Variants in CSMD1 observed in about 807,000 individuals in gnomAD.
CSMD1 encodes CUB and Sushi multiple domains 1.
A neutral mutation model predicts 417.5 loss-of-function variants in CSMD1; 213 were observed. The ratio of observed to expected loss-of-function variants is 0.51; its 90% CI spans 0.46 to 0.57. CSMD1 has a LOEUF of 0.57. Among genes scored for constraint, CSMD1 ranks in the 20% least tolerant of loss-of-function variants. The pLI, the probability that CSMD1 is intolerant of heterozygous loss-of-function variation, is 0.00. For synonymous variants in CSMD1, 2,862 were observed against 1,736.8 expected, an observed-to-expected ratio of 1.65 and a Z score of -16.11; for missense variants, 6,923 against 4,529.7, an observed-to-expected ratio of 1.53 and a Z score of -15.17.
intron 1 of CSMD1, among the ~76,000 whole-genome samples, chr8:4,807,506 T>C (rs1286608059): frequency 1.3e-5 from 2 of 152,126 alleles, no homozygotes; most frequent in East Asian, 3.9e-4. Flanking sequence ...CTGAATCACC[T>C]AAACCCCAGA....
intron 2 of CSMD1, among the ~76,000 whole-genome samples, chr8:4,456,966 G>C (rs937644509): frequency 7.8e-6 from 1 of 128,120 alleles, no homozygotes; most frequent in Admixed American, 9.1e-5. Flanking sequence ...AAGAGATTTT[G>C]ATGAGTGTGG....
intron 33 of CSMD1, among the ~76,000 whole-genome samples, chr8:3,198,413 G>C (rs1796815599): frequency 6.6e-6 from 1 of 152,200 alleles, no homozygotes; most frequent in Admixed American, 6.5e-5. Flanking sequence ...GAAGTAGTAA[G>C]AGACGGGTTG....
intron 5 of CSMD1, among the ~76,000 whole-genome samples, chr8:3,849,221 G>T (rs1199041505): frequency 2.6e-5 from 4 of 152,124 alleles, no homozygotes; most frequent in Admixed American, 6.6e-5. Flanking sequence ...ATGAGAAAAT[G>T]ATGGAAAAGA....
chr8:4,608,892 T>C (rs1801020749), intron 2 of CSMD1, among the ~76,000 whole-genome samples: 1 of 152,146 alleles, frequency 6.6e-6, no homozygotes, highest in African/African-American at 2.4e-5. Flanking sequence ...TCTTTTAAAA[T>C]TAACATTTAA....
chr8:4,566,352 G>A (rs1181890869), intron 2 of CSMD1, among the ~76,000 whole-genome samples: 1 of 151,922 alleles, frequency 6.6e-6, no homozygotes, highest in Admixed American at 6.6e-5. Flanking sequence ...CCATGAAAAT[G>A]GTTTATAAGA....
chr8:4,748,547 G>A (rs1245097308), intron 1 of CSMD1, among the ~76,000 whole-genome samples: 1 of 152,160 alleles, frequency 6.6e-6, no homozygotes, highest in Non-Finnish European at 1.5e-5. Flanking sequence ...ATTTATCAAA[G>A]AACAGACATC....
intron 50 of CSMD1, among the ~76,000 whole-genome samples, chr8:3,045,925 G>C (rs114486958): frequency 0.014 from 2,129 of 152,228 alleles, 53 homozygotes; most frequent in African/African-American, 0.049. Flanking sequence ...GAAGACAGTA[G>C]GGGGTATAGG....
intron 1 of CSMD1, among the ~76,000 whole-genome samples, chr8:4,825,861 C>G (rs1052998719): frequency 6.6e-6 from 1 of 151,068 alleles, no homozygotes; most frequent in South Asian, 2.1e-4. Flanking sequence ...TGAAGAGATA[C>G]AATTGTCCAA....
At chr8:4,354,225 A>G (rs11990010) in intron 3 of CSMD1, among the ~76,000 whole-genome samples, 11,835 of 152,244 alleles carry the variant, frequency 0.078, 646 homozygotes, top group African/African-American at 0.15. Flanking sequence ...GAGCCTTCCG[A>G]TATTTCCACC....
At chr8:4,748,326 G>T (rs1811085659) in intron 1 of CSMD1, among the ~76,000 whole-genome samples, 1 of 152,202 alleles carries the variant, frequency 6.6e-6, no homozygotes, top group African/African-American at 2.4e-5. Flanking sequence ...CATCTGAGTT[G>T]GAAATGTGTG....
intron 5 of CSMD1, among the ~76,000 whole-genome samples, chr8:3,914,108 T>C (rs548415901): frequency 3.7e-4 from 57 of 152,306 alleles, no homozygotes; most frequent in African/African-American, 1.3e-3. Context: ...GTGCCTTGTC[T>C]TCAGCGTTAG....
In CSMD1 at chr8:3,187,889, G is replaced by A. The variant is rs970074297; in HGVS notation, c.5600C>T (p.Pro1867Leu). Reference sequence around the variant, plus strand: ...CTTACCTGAGAAGCTTCCCAGTCTGGGTGCGGTCACATCCCCACCATCGTG... The same window carrying A: ...CTTACCTGAGAAGCTTCCCAGTCTGAGTGCGGTCACATCCCCACCATCGTG... ...EIHDGGDVTAPRLGSFSGTTV... is the reference protein window; with the variant it reads ...EIHDGGDVTALRLGSFSGTTV... Residue 1867 changes from proline (P) to leucine (L), a missense_variant, in exon 36 of 70, where the codon CCC becomes CTC. Pro to Leu is a moderately conservative substitution (Grantham distance 98, BLOSUM62 -3). Transcript: ENST00000635120. 3.1e-6 allele frequency: 5 copies of A among 1,612,464 alleles called. No individual in the cohort carries two copies. The highest frequency in any genetic ancestry group is 4.2e-6 in the Non-Finnish European group (5 of 1,179,318).
At chr8:3,256,145 T>C (rs1335802298) in intron 26 of CSMD1, among the ~76,000 whole-genome samples, 1 of 151,716 alleles carries the variant, frequency 6.6e-6, no homozygotes, top group Non-Finnish European at 1.5e-5. Context: ...CTGGCCAACA[T>C]GGTGAAACCT....
chr8:4,054,581 G>A (rs1053667363), intron 3 of CSMD1, among the ~76,000 whole-genome samples: 2 of 152,274 alleles, frequency 1.3e-5, no homozygotes, highest in Middle Eastern at 3.4e-3. Context: ...TCTTGGTGGT[G>A]TAGTCTAATT....
intron 1 of CSMD1, among the ~76,000 whole-genome samples, chr8:4,808,370 A>G (rs936141624): frequency 6.6e-6 from 1 of 152,216 alleles, no homozygotes; most frequent in East Asian, 1.9e-4. Context: ...GGCACTATCT[A>G]GATTATAGAC....
In CSMD1 at chr8:2,999,971, C is replaced by T. The variant is rs757939119; in HGVS notation, c.8190G>A (p.Thr2730=). The T allele has an allele frequency of 4.0e-5, 65 of 1,608,746 alleles. No individual in the cohort carries two copies. The highest frequency in any genetic ancestry group is 3.3e-4 in the Middle Eastern group (2 of 6,068). ...CLQDHKWSGQ[T]PVCVPITCGH... ...GAGTGCACTTACGGACACAGACAGG[C>T]GTTTGTCCAGACCACTTGTGGTCTT... Residue 2730 remains threonine, a synonymous_variant, in exon 53 of 70, where the codon ACG becomes ACA. Transcript: ENST00000635120.
At chr8:4,826,614 G>C (rs141925858) in intron 1 of CSMD1, among the ~76,000 whole-genome samples, 1 of 152,152 alleles carries the variant, frequency 6.6e-6, no homozygotes, top group Non-Finnish European at 1.5e-5. Flanking sequence ...GCAAAAAGGA[G>C]ATAACTTGGG....
chr8:3,469,155 T>A, intron 11 of CSMD1: 1 of 204,686 alleles, frequency 4.9e-6, no homozygotes. Context: ...GGGACAGTCC[T>A]GGAAAAAATA....
intron 2 of CSMD1, among the ~76,000 whole-genome samples, chr8:4,553,325 T>C (rs948228063): frequency 6.6e-6 from 1 of 152,216 alleles, no homozygotes; most frequent in Non-Finnish European, 1.5e-5. Context: ...AAGTGCTTCA[T>C]TTTGTGTAAT....
Sources: allele counts gnomAD v4.1 joint callset (sites outside exome capture counted in the v4.1 genomes callset), GRCh38; gene constraint gnomAD v4.1.1; transcripts MANE v1.5; gene names NCBI Gene and HGNC (gene_info 2026-07-23, HGNC 2026-07-21).